Variants in ROS1 observed in about 807,000 individuals in gnomAD.
The protein encoded by ROS1 is ROS proto-oncogene 1, receptor tyrosine kinase, also known as proto-oncogene tyrosine-protein kinase ROS.
A neutral mutation model predicts 273.5 loss-of-function variants in ROS1; 263 were observed. The ratio of observed to expected loss-of-function variants is 0.96; its 90% CI spans 0.87 to 1.06. The LOEUF (loss-of-function observed/expected upper bound fraction) is 1.06, where lower values mean the gene tolerates loss of function less well. Ranked by LOEUF, ROS1 falls within the 50% of genes least tolerant of loss-of-function variation. ROS1 has a pLI of 0.00. For synonymous variants in ROS1, 1,008 were observed against 954.1 expected, an observed-to-expected ratio of 1.06 and a Z score of -1.04; for missense variants, 2,833 against 2,751.1, an observed-to-expected ratio of 1.03 and a Z score of -0.67.
intron 43 of ROS1, among the ~76,000 whole-genome samples, chr6:117,295,676 A>G (rs958258776): frequency 6.6e-6 from 1 of 152,228 alleles, no homozygotes; most frequent in Non-Finnish European, 1.5e-5. Context: ...AAAAATGGGC[A>G]AAAGATTTGA....
In ROS1 at chr6:117,425,631, G is replaced by C; in HGVS notation, c.26C>G (p.Pro9Arg). ...AAGAGTTGCAAAATTGACAAGCTTC[G>C]GAATAAGACAGTAAATGTTCTTCAT... MKNIYCLI[P>R]KLVNFATLGC... Residue 9 changes from proline (P) to arginine (R), a missense_variant, in exon 1 of 44, where the codon CCG becomes CGG. Pro to Arg is a moderately radical substitution (Grantham distance 103). Coordinates refer to ENST00000368507, the MANE Select transcript of ROS1 (RefSeq NM_001378902.1). 6.2e-7 allele frequency: 1 copy of C among 1,611,426 alleles called. No individual in the cohort carries two copies. Among genetic ancestry groups the C allele is most frequent in the Non-Finnish European group, 8.5e-7 (1 of 1,179,032 alleles).
chr6:117,364,905 C>A (rs553213378), intron 21 of ROS1, among the ~76,000 whole-genome samples, 155 bp downstream of exon 21: 1 of 152,138 alleles, frequency 6.6e-6, no homozygotes. Flanking sequence ...ATGTTAATGA[C>A]GCTATTCTAA....
intron 43 of ROS1, among the ~76,000 whole-genome samples, chr6:117,297,393 G>A (rs1774325232): frequency 6.6e-6 from 1 of 152,140 alleles, no homozygotes; most frequent in Non-Finnish European, 1.5e-5. Context: ...TAAAAAGCTT[G>A]TGCAGAAAAA....
intron 2 of ROS1, 121 bp from the exon 3 acceptor site, chr6:117,416,438 C>G: frequency 1.4e-6 from 1 of 693,128 alleles, no homozygotes; most frequent in African/African-American, 1.8e-5. Flanking sequence ...AGAAACCTAC[C>G]AAGAAACCTG....
chr6:117,307,657 G>A (rs1283428010), intron 42 of ROS1, among the ~76,000 whole-genome samples: 3 of 151,854 alleles, frequency 2.0e-5, no homozygotes, highest in African/African-American at 2.4e-5. Context: ...TGTAAACATC[G>A]CAGAGACTAT....
chr6:117,370,823 T>C lies in ROS1; in HGVS notation c.2583-4533A>G, dbSNP rs148444259. 2.2e-4 allele frequency among the ~76,000 whole-genome samples: 33 copies of C among 152,256 alleles called. No homozygotes were observed. The East Asian group carries it at 6.2e-3, about 29-fold the overall frequency. On this transcript the variant is annotated intron_variant, in intron 18 of 43. Coordinates refer to ENST00000368507, the MANE Select transcript of ROS1 (RefSeq NM_001378902.1). ...AAATGGAATACTAAAAATTATTTTA[T>C]TCACCCACAAAAATGGCAAAGAAGT...
At chr6:117,309,747 C>G (rs886910401) in intron 41 of ROS1, among the ~76,000 whole-genome samples, 3 of 152,078 alleles carry the variant, frequency 2.0e-5, no homozygotes, top group Non-Finnish European at 4.4e-5. Context: ...CAAACATTCC[C>G]AAATAGTAGG....
intron 27 of ROS1, among the ~76,000 whole-genome samples, chr6:117,348,653 T>C (rs1778566611): frequency 6.6e-6 from 1 of 151,898 alleles, no homozygotes; most frequent in Non-Finnish European, 1.5e-5. Context: ...TGGGACTTAA[T>C]TTACTCTTCT....
intron 20 of ROS1, 73 bp from the exon 21 acceptor site, chr6:117,365,277 A>G (rs1705746302): frequency 1.4e-6 from 2 of 1,434,154 alleles, no homozygotes; most frequent in Non-Finnish European, 1.9e-6. Context: ...ATTATCTAAA[A>G]TCTCCAAACT....
Position 117,288,707 on chromosome 6 carries a change from G to C in ROS1, c.6811C>G (p.Leu2271Val), listed in dbSNP as rs1406518415. 7.4e-6 allele frequency: 12 copies of C among 1,613,934 alleles called. No homozygotes were observed. The highest frequency in any genetic ancestry group is 1.0e-5 in the Non-Finnish European group (12 of 1,179,974). ...TCACCTTGGCCACATTCTGTAGCAA[G>C]TACCATATAGTTTAACCCTTCTCGG... is the stretch of plus-strand genomic sequence containing the variant. The part of the protein sequence containing the change: ...KNREGLNYMV[L>V]ATECGQGEEK... The change falls in exon 44 of 44, where the codon CTT (leucine) becomes GTT (valine). Residue 2271 changes from leucine (L) to valine (V), a missense_variant. Transcript: ENST00000368507.
intron 42 of ROS1, among the ~76,000 whole-genome samples, chr6:117,307,733 A>G (rs1196653826): frequency 1.3e-5 from 2 of 152,122 alleles, no homozygotes; most frequent in Non-Finnish European, 2.9e-5. Context: ...AATAATACAA[A>G]AACATTCACC....
Position 117,352,986 on chromosome 6 carries a change from T to A in ROS1, c.4303+4A>T, listed in dbSNP as rs762369065. The A allele has an allele frequency of 6.2e-7, 1 of 1,610,092 alleles. No individual in the cohort carries two copies. Among genetic ancestry groups the A allele is most frequent in the Non-Finnish European group, 8.5e-7 (1 of 1,178,778 alleles). On this transcript the variant is annotated splice_donor_region_variant and intron_variant, in intron 27 of 43. Transcript: ENST00000368507. Reference sequence around the variant, plus strand: ...CAAGCTGATTACGAATGTGACTTTATTACCTGGAAAAGGCTGCATAACTGA... The same window carrying A: ...CAAGCTGATTACGAATGTGACTTTAATACCTGGAAAAGGCTGCATAACTGA...
In ROS1 at chr6:117,301,003, T is replaced by C. The variant is rs781709699; in HGVS notation, c.6686A>G (p.Asn2229Ser). ...AAAGCTTTCATTTATGACTCCACTG[T>C]TGTTTGCTTCATCTCTGGACTTATA... ...SIYKSRDEAN[N>S]SGVINESFEG... The change falls in exon 43 of 44, where the codon AAC becomes AGC. Residue 2229 changes from asparagine to serine, a missense_variant. Coordinates refer to ENST00000368507, the MANE Select transcript of ROS1 (RefSeq NM_001378902.1). 18 of 1,589,028 alleles carry C rather than the reference T, an allele frequency of 1.1e-5. No individual in the cohort carries two copies. The highest frequency in any genetic ancestry group is 3.3e-4 in the Middle Eastern group (2 of 6,000).
chr6:117,366,582 C>G (rs1780265452), intron 18 of ROS1, among the ~76,000 whole-genome samples: 1 of 152,072 alleles, frequency 6.6e-6, no homozygotes, highest in Non-Finnish European at 1.5e-5. Context: ...GGCATGATCA[C>G]AGTTCGCTGC....
chr6:117,360,076 G>A (rs553677775), intron 23 of ROS1, 65 bp from the exon 24 acceptor site: 49 of 1,318,890 alleles, frequency 3.7e-5, no homozygotes, highest in South Asian at 7.7e-5. Flanking sequence ...GCAAAGTCTC[G>A]ATTTAATATC....
intron 18 of ROS1, among the ~76,000 whole-genome samples, chr6:117,373,130 G>A (rs1288602372): frequency 6.6e-6 from 1 of 152,214 alleles, no homozygotes; most frequent in Non-Finnish European, 1.5e-5. Flanking sequence ...TGAACCCTGA[G>A]CTAGACACAG....
At chr6:117,308,485 T>TCTCACA (rs1554222134) in intron 42 of ROS1, among the ~76,000 whole-genome samples, 15 of 151,808 alleles carry the variant, frequency 9.9e-5, no homozygotes, top group African/African-American at 3.6e-4. Context: ...ACTCTCTCTC[T>TCTCACA]CACACACACA....
intron 20 of ROS1, 133 bp downstream of exon 20, chr6:117,365,448 T>C: frequency 1.2e-6 from 1 of 833,492 alleles, no homozygotes; most frequent in South Asian, 1.7e-5. Flanking sequence ...ATAATCTTAA[T>C]GACCAAATGC....
At chr6:117,323,736 A>T (rs1484478781) in intron 35 of ROS1, among the ~76,000 whole-genome samples, 2 of 152,146 alleles carry the variant, frequency 1.3e-5, no homozygotes, top group South Asian at 2.1e-4. Context: ...GAAAAAAAAT[A>T]GCTTTCTATC....
Sources: allele counts gnomAD v4.1 joint callset (sites outside exome capture counted in the v4.1 genomes callset), GRCh38; gene constraint gnomAD v4.1.1; transcripts MANE v1.5; gene names NCBI Gene and HGNC (gene_info 2026-07-23, HGNC 2026-07-21).